ENPP3: variants seen among roughly 807,000 people sequenced by gnomAD.
The protein encoded by ENPP3 is ectonucleotide pyrophosphatase/phosphodiesterase 3.
A neutral mutation model predicts 117.8 loss-of-function variants in ENPP3; 104 were observed. That is an observed-to-expected ratio of 0.88 (90% CI 0.75 to 1.04). ENPP3 has a LOEUF of 1.04. ENPP3 is among the 50% of genes least tolerant of loss of function. The pLI, the probability that ENPP3 is intolerant of heterozygous loss-of-function variation, is 0.00. For synonymous variants in ENPP3, 380 were observed against 349.9 expected (o/e 1.09, Z -0.96); for missense variants, 1,026 against 1,051.9 (o/e 0.98, Z 0.34).
Position 131,745,692 on chromosome 6 carries a change from A to C in ENPP3, c.2458-1094A>C, listed in dbSNP as rs1780621835. 2.0e-5 allele frequency among the ~76,000 whole-genome samples: 3 copies of C among 152,238 alleles called. No individual in the cohort carries two copies. In the South Asian group the frequency reaches 6.2e-4, roughly 31 times the overall value. ...TCAGCATAATAAAATATAAACAGAC[A>C]TAAAACACTATTTTACACCCACGGT... On this transcript the variant is annotated intron_variant, in intron 24 of 24. Transcript: ENST00000357639.
intron 11 of ENPP3, among the ~76,000 whole-genome samples, chr6:131,679,922 A>G (rs1006540599): frequency 2.0e-5 from 3 of 152,214 alleles, no homozygotes; most frequent in Non-Finnish European, 4.4e-5. Context: ...TGTCTGCAGC[A>G]TTGTGTAACA....
chr6:131,685,955 C>T, intron 14 of ENPP3, 48 bp downstream of exon 14: 1 of 589,528 alleles, frequency 1.7e-6, no homozygotes, highest in Non-Finnish European at 3.1e-6. Flanking sequence ...AATGCAATGA[C>T]CTTAATCTGG....
At chr6:131,682,180 T>C (rs1779036259) in intron 11 of ENPP3, among the ~76,000 whole-genome samples, 1 of 152,130 alleles carries the variant, frequency 6.6e-6, no homozygotes, top group African/African-American at 2.4e-5. Context: ...GTAAGTCTTC[T>C]TAAGAATGTG....
intron 15 of ENPP3, 128 bp downstream of exon 15, chr6:131,693,752 T>C: frequency 2.3e-6 from 2 of 878,802 alleles, no homozygotes; most frequent in African/African-American, 3.4e-5. Context: ...TCTGGCCTTT[T>C]TGTATGCTAT....
chr6:131,644,629 C>G (rs1185024958), intron 2 of ENPP3, among the ~76,000 whole-genome samples: 1 of 152,112 alleles, frequency 6.6e-6, no homozygotes, highest in South Asian at 2.1e-4. Context: ...AAATCAGGAG[C>G]TCAGTTTTGG....
intron 15 of ENPP3, among the ~76,000 whole-genome samples, chr6:131,695,331 A>T (rs570978347): frequency 6.6e-6 from 1 of 152,238 alleles, no homozygotes; most frequent in African/African-American, 2.4e-5. Flanking sequence ...CGCCCACCCA[A>T]ATACCTCTGG....
chr6:131,733,885 CT>C (rs1780340620), intron 21 of ENPP3, among the ~76,000 whole-genome samples, 162 bp downstream of exon 21: 1 of 152,176 alleles, frequency 6.6e-6, no homozygotes, highest in Non-Finnish European at 1.5e-5. Flanking sequence ...AGCACAGCGG[CT>C]GTAATAAAGA....
chr6:131,657,843 C>T (rs1284559704), intron 5 of ENPP3, among the ~76,000 whole-genome samples: 1 of 152,038 alleles, frequency 6.6e-6, no homozygotes, highest in African/African-American at 2.4e-5. Flanking sequence ...AACTATGCTT[C>T]TGTGAAATGT....
intron 15 of ENPP3, among the ~76,000 whole-genome samples, chr6:131,707,316 T>C (rs1168856246): frequency 3.6e-5 from 3 of 84,296 alleles, no homozygotes; most frequent in African/African-American, 2.6e-4. Context: ...TATTTGAAAT[T>C]TGTTTTTTCC....
At chr6:131,735,392 T>C (rs1780373706) in intron 21 of ENPP3, among the ~76,000 whole-genome samples, 1 of 152,116 alleles carries the variant, frequency 6.6e-6, no homozygotes, top group Admixed American at 6.5e-5. Flanking sequence ...AAACACCATA[T>C]GAAATCTGAA....
At chr6:131,737,982 A>G (rs1352218618) in intron 22 of ENPP3, 49 bp from the exon 23 acceptor site, 1 of 1,354,528 alleles carries the variant, frequency 7.4e-7, no homozygotes, top group Non-Finnish European at 1.0e-6. Context: ...AAATAGTGTC[A>G]TATTTCACTG....
chr6:131,676,915 G>C (rs1778881350), intron 10 of ENPP3, 114 bp downstream of exon 10: 2 of 682,524 alleles, frequency 2.9e-6, no homozygotes, highest in East Asian at 5.5e-5. Context: ...AAACGACGTG[G>C]CATTGCCTTA....
intron 11 of ENPP3, among the ~76,000 whole-genome samples, chr6:131,680,315 T>G (rs1318449236): frequency 1.3e-5 from 2 of 152,192 alleles, no homozygotes; most frequent in African/African-American, 4.8e-5. Flanking sequence ...TTTCCTAGTT[T>G]CTATCATGTG....
intron 24 of ENPP3, among the ~76,000 whole-genome samples, chr6:131,742,135 C>A (rs911477500): frequency 1.3e-5 from 2 of 152,128 alleles, no homozygotes; most frequent in Non-Finnish European, 2.9e-5. Context: ...GAATAGTGAG[C>A]CACTCACTAT....
At chr6:131,681,002 T>G (rs1024766749) in intron 11 of ENPP3, among the ~76,000 whole-genome samples, 1 of 151,994 alleles carries the variant, frequency 6.6e-6, no homozygotes. Context: ...GGCAGCCATA[T>G]GCCAGGGTGC....
At chr6:131,717,201 T>G (rs1269526790) in intron 15 of ENPP3, among the ~76,000 whole-genome samples, 2 of 152,158 alleles carry the variant, frequency 1.3e-5, no homozygotes, top group African/African-American at 4.8e-5. Context: ...TGTGATTTAT[T>G]TTTTAATTTG....
In ENPP3 at chr6:131,746,880, A is replaced by T; in HGVS notation, c.2552A>T (p.Tyr851Phe). 6.2e-7 allele frequency: 1 copy of T among 1,613,228 alleles called. No homozygotes were observed. Among genetic ancestry groups the T allele is most frequent in the South Asian group, 1.1e-5 (1 of 90,980 alleles). ...DVELLTGLDF[Y>F]QDKVQPVSEI... is the part of the protein sequence containing the mutation. ...GAACTTCTCACTGGGCTTGACTTCT[A>T]TCAGGATAAAGTGCAGCCTGTCTCT... Residue 851 changes from tyrosine (Y) to phenylalanine (F), a missense_variant, in exon 25 of 25, where the codon TAT becomes TTT. Tyr to Phe is a conservative substitution (Grantham distance 22). Coordinates refer to ENST00000357639, the MANE Select transcript of ENPP3 (RefSeq NM_005021.5).
intron 8 of ENPP3, 60 bp downstream of exon 8, chr6:131,674,341 G>A: frequency 6.5e-7 from 1 of 1,538,918 alleles, no homozygotes; most frequent in East Asian, 2.2e-5. Flanking sequence ...GTGACAGGAG[G>A]ACACTCTTCT....
chr6:131,690,748 C>A (rs1410706307), intron 14 of ENPP3, among the ~76,000 whole-genome samples: 2 of 151,800 alleles, frequency 1.3e-5, no homozygotes, highest in African/African-American at 4.8e-5. Context: ...AGCAGAATTT[C>A]TTTACAGTGA....
Sources: allele counts gnomAD v4.1 joint callset (sites outside exome capture counted in the v4.1 genomes callset), GRCh38; gene constraint gnomAD v4.1.1; transcripts MANE v1.5; gene names NCBI Gene and HGNC (gene_info 2026-07-23, HGNC 2026-07-21).